Variants in ICA1 observed in about 807,000 individuals in gnomAD.
ICA1 encodes the protein 69 kDa islet cell autoantigen.
Under a neutral mutation model 71.0 loss-of-function variants are expected in ICA1, and 40 were observed. The ratio of observed to expected loss-of-function variants is 0.56; its 90% CI spans 0.44 to 0.73. The LOEUF (loss-of-function observed/expected upper bound fraction) is 0.73, where lower values mean the gene tolerates loss of function less well. Ranked by LOEUF, ICA1 falls within the 30% of genes least tolerant of loss-of-function variation. The pLI, the probability that ICA1 is intolerant of heterozygous loss-of-function variation, is 0.00. For synonymous variants in ICA1, 207 were observed against 209.5 expected (o/e 0.99, Z 0.10); for missense variants, 578 against 576.5 (o/e 1.00, Z -0.03).
intron 1 of ICA1, among the ~76,000 whole-genome samples, chr7:8,247,588 G>A (rs774089918): frequency 6.6e-6 from 1 of 152,198 alleles, no homozygotes; most frequent in Non-Finnish European, 1.5e-5. Context: ...AAACAAGCCA[G>A]GTTTTAAGTA....
chr7:8,139,132 C>T (rs377523185), intron 10 of ICA1, 85 bp from the exon 11 acceptor site: 42 of 1,065,468 alleles, frequency 3.9e-5, no homozygotes, highest in Middle Eastern at 4.1e-4. Flanking sequence ...GGTAAATGCA[C>T]GGCTTCAGGA....
intron 1 of ICA1, among the ~76,000 whole-genome samples, chr7:8,246,327 G>C (rs978217317): frequency 6.6e-6 from 1 of 152,200 alleles, no homozygotes; most frequent in African/African-American, 2.4e-5. Context: ...AAGAAGCAGA[G>C]GCCCAAGGAT....
intron 13 of ICA1, among the ~76,000 whole-genome samples, chr7:8,118,836 G>A (rs887215514): frequency 6.6e-6 from 1 of 152,108 alleles, no homozygotes; most frequent in African/African-American, 2.4e-5. Context: ...TCAGAACCAT[G>A]GTTCTCACAA....
intron 6 of ICA1, among the ~76,000 whole-genome samples, chr7:8,202,319 T>C (rs192622693): frequency 4.6e-5 from 7 of 152,334 alleles, no homozygotes; most frequent in African/African-American, 7.2e-5. Flanking sequence ...GAGACAGTTA[T>C]GTAACCTCTC....
At chr7:8,209,250 T>C (rs1017605991) in intron 6 of ICA1, among the ~76,000 whole-genome samples, 2 of 152,194 alleles carry the variant, frequency 1.3e-5, no homozygotes, top group African/African-American at 4.8e-5. Flanking sequence ...TCAAGAGAGA[T>C]GTGGTCCTTC....
chr7:8,245,183 G>A (rs936531538), intron 1 of ICA1, among the ~76,000 whole-genome samples: 14 of 152,110 alleles, frequency 9.2e-5, no homozygotes, highest in South Asian at 2.1e-4. Flanking sequence ...ATGGTAGAGC[G>A]GATTAAGAAA....
At chr7:8,256,728 G>C (rs1262906689) in intron 1 of ICA1, among the ~76,000 whole-genome samples, 5 of 152,180 alleles carry the variant, frequency 3.3e-5, no homozygotes, top group Non-Finnish European at 5.9e-5. Flanking sequence ...GCACTAGACT[G>C]TAGGTCCCAT....
rs981274290 is a variant in ICA1 at position 8,130,066 on chromosome 7, G to A, written c.1061-1924C>T. Among the ~76,000 whole-genome samples the A allele has an allele frequency of 6.6e-6, 1 of 152,040 alleles. No individual in the cohort carries two copies. Among genetic ancestry groups the A allele is most frequent in the Non-Finnish European group, 1.5e-5 (1 of 68,010 alleles). On this transcript the variant is annotated intron_variant, in intron 12 of 13. Coordinates refer to ENST00000402384, the MANE Select transcript of ICA1 (RefSeq NM_001136020.3). This position sits in a 1 kb window ranked among gnomAD's most constrained non-coding sequence, Gnocchi z 4.2. ...TTTTTATGGCTGCATAGTATTCCAT[G>A]GTGTATATGTGCCACATTTTCTTAA...
In ICA1 at chr7:8,144,447, T is replaced by TA. The variant is rs949038213; in HGVS notation, c.805-476dup. 6.6e-6 allele frequency among the ~76,000 whole-genome samples: 1 copy of TA among 152,202 alleles called. No individual in the cohort carries two copies. Among genetic ancestry groups the TA allele is most frequent in the Non-Finnish European group, 1.5e-5 (1 of 68,028 alleles). Reference sequence around the variant, plus strand: ...TATTTTGCAATCTAAAACCCAGTTTTAAAAAATAACAGAAAACAAAACCTT... The same window carrying TA: ...TATTTTGCAATCTAAAACCCAGTTTTAAAAAAATAACAGAAAACAAAACCTT... On this transcript the variant is annotated intron_variant, in intron 8 of 13. Coordinates refer to ENST00000402384, the MANE Select transcript of ICA1 (RefSeq NM_001136020.3). This position sits in a 1 kb window ranked among gnomAD's most constrained non-coding sequence, Gnocchi z 4.5.
chr7:8,188,150 T>C (rs1041011403), intron 6 of ICA1, among the ~76,000 whole-genome samples: 2 of 152,234 alleles, frequency 1.3e-5, no homozygotes, highest in Non-Finnish European at 2.9e-5. Flanking sequence ...TGGGGTGTTT[T>C]GTTATTTATA....
intron 4 of ICA1, among the ~76,000 whole-genome samples, chr7:8,225,129 C>T (rs1798222934): frequency 6.6e-6 from 1 of 152,176 alleles, no homozygotes; most frequent in Non-Finnish European, 1.5e-5. Flanking sequence ...TCTCCTCAAA[C>T]TTTCACTCAC....
rs148093915 is a variant in ICA1, at chr7:8,136,920, T to C, written c.1060+1920A>G. 8.5e-5 allele frequency among the ~76,000 whole-genome samples: 13 copies of C among 152,302 alleles called. No homozygotes were observed. In the East Asian group the frequency reaches 2.5e-3, roughly 29 times the overall value. ...ATCTTGGCACATGCTTTCGAGGAAG[T>C]TTATAAAAGTAAGCATCTATCGCAG... is the stretch of plus-strand genomic sequence containing the variant. On this transcript the variant is annotated intron_variant, in intron 12 of 13. Transcript: ENST00000402384.
At chr7:8,170,459 G>C (rs937421208) in intron 6 of ICA1, among the ~76,000 whole-genome samples, 8 of 151,906 alleles carry the variant, frequency 5.3e-5, no homozygotes, top group African/African-American at 1.9e-4. Flanking sequence ...TTCTGACCCA[G>C]GAATGCATTC....
chr7:8,211,145 G>A (rs1793651720), intron 6 of ICA1, among the ~76,000 whole-genome samples: 1 of 152,210 alleles, frequency 6.6e-6, no homozygotes, highest in South Asian at 2.1e-4. Context: ...GCAATCCAAG[G>A]CTGAGGCCAA....
intron 1 of ICA1, among the ~76,000 whole-genome samples, chr7:8,261,730 G>A (rs1175685506): frequency 6.6e-6 from 1 of 151,490 alleles, no homozygotes; most frequent in African/African-American, 2.4e-5. Context: ...CGGAGCCGCC[G>A]GGAAGGCGAG....
chr7:8,141,634 AAGCAAATT>A, intron 10 of ICA1, 123 bp downstream of exon 10: 1 of 598,120 alleles, frequency 1.7e-6, no homozygotes, highest in Non-Finnish European at 3.0e-6. Context: ...AGTCTACAGG[AAGCAAATT>A]AGCCTTTTCT....
At chr7:8,194,232 T>C (rs550565490) in intron 6 of ICA1, among the ~76,000 whole-genome samples, 1 of 152,224 alleles carries the variant, frequency 6.6e-6, no homozygotes, top group African/African-American at 2.4e-5. Context: ...CCCCACTATA[T>C]TATACCCTAG....
At position 8,234,752 on chromosome 7, in the gene ICA1, T is replaced by C. The variant is rs192029731; in HGVS notation, c.17+1158A>G. ...GCTCATATCAGAGAAAATAAGATAA[T>C]GTATAAAACTTATGTAAAAGATAAT... On this transcript the variant is annotated intron_variant, in intron 2 of 13. Coordinates refer to ENST00000402384, the MANE Select transcript of ICA1 (RefSeq NM_001136020.3). This position sits in a 1 kb window ranked among gnomAD's most constrained non-coding sequence, Gnocchi z 4.5. 5.6e-3 allele frequency among the ~76,000 whole-genome samples: 851 copies of C among 152,322 alleles called. 21 individuals are homozygous for C. The highest frequency in any genetic ancestry group is 0.047 in the Admixed American group (712 of 15,298).
chr7:8,141,255 G>A (rs1038383299), intron 10 of ICA1, among the ~76,000 whole-genome samples: 3 of 152,172 alleles, frequency 2.0e-5, no homozygotes, highest in African/African-American at 7.2e-5. Flanking sequence ...AACACATCAG[G>A]TTCAGTTCAC....
Sources: gnomAD v4.1 joint callset for allele counts (sites outside exome capture counted in the v4.1 genomes callset) on GRCh38, gnomAD v4.1.1 for gene constraint, Gnocchi (gnomAD v3.1) non-coding constraint, MANE v1.5 for transcripts, NCBI Gene and HGNC (gene_info 2026-07-23, HGNC 2026-07-21) for gene names.